Variants in TRPC4 observed in about 807,000 individuals in gnomAD.
TRPC4 encodes the protein transient receptor potential cation channel subfamily C member 4.
In TRPC4, 49 loss-of-function variants were observed where a neutral mutation model predicts 99.4. The observed-to-expected ratio is 0.49, with a 90% CI of 0.39 to 0.63. TRPC4 has a LOEUF of 0.63. Ranked by LOEUF, TRPC4 falls within the 20% of genes least tolerant of loss-of-function variation. The pLI is 0.00. For synonymous variants in TRPC4, 454 were observed against 425.9 expected (o/e 1.07, Z -0.81); for missense variants, 898 against 1,152.9 (o/e 0.78, Z 3.20).
intron 1 of TRPC4, among the ~76,000 whole-genome samples, chr13:37,853,744 G>A (rs1387708670): frequency 2.0e-5 from 3 of 151,830 alleles, no homozygotes; most frequent in African/African-American, 7.3e-5. Context: ...TAACTGAAAA[G>A]AATCAAGCAG....
intron 3 of TRPC4, among the ~76,000 whole-genome samples, chr13:37,702,633 T>G (rs979088795): frequency 6.6e-6 from 1 of 152,168 alleles, no homozygotes; most frequent in African/African-American, 2.4e-5. Context: ...TATCATATTT[T>G]AAAATTTTCT....
At chr13:37,796,760 A>G (rs1028175097) in intron 1 of TRPC4, among the ~76,000 whole-genome samples, 2 of 151,702 alleles carry the variant, frequency 1.3e-5, no homozygotes, top group African/African-American at 4.8e-5. Context: ...TCATTAAGGA[A>G]TATTTCCAGG....
chr13:37,858,083 A>C (rs972387082), intron 1 of TRPC4, among the ~76,000 whole-genome samples: 4 of 151,786 alleles, frequency 2.6e-5, no homozygotes, highest in Non-Finnish European at 5.9e-5. Context: ...AAATCTAATA[A>C]TCTGATCAAA....
chr13:37,794,913 T>C (rs1323846514), intron 1 of TRPC4, among the ~76,000 whole-genome samples: 1 of 152,134 alleles, frequency 6.6e-6, no homozygotes, highest in Non-Finnish European at 1.5e-5. Flanking sequence ...GAGACATAGT[T>C]TCAAATGTAT....
At chr13:37,741,871 C>A (rs746763227) in intron 3 of TRPC4, among the ~76,000 whole-genome samples, 2 of 151,478 alleles carry the variant, frequency 1.3e-5, no homozygotes, top group African/African-American at 2.4e-5. Context: ...TGCAATCTGG[C>A]CCCAATATTT....
chr13:37,753,763 A>T (rs549815704), intron 2 of TRPC4, among the ~76,000 whole-genome samples: 10 of 152,288 alleles, frequency 6.6e-5, no homozygotes, highest in Non-Finnish European at 1.2e-4. Context: ...AAAGGTGAAC[A>T]CAAGTGCATT....
intron 1 of TRPC4, among the ~76,000 whole-genome samples, chr13:37,836,411 A>G (rs986377777): frequency 4.6e-5 from 7 of 152,168 alleles, no homozygotes; most frequent in Non-Finnish European, 8.8e-5. Flanking sequence ...AACTCCCTAG[A>G]GGCTCGTTGA....
At position 37,849,019 on chromosome 13, in the gene TRPC4, C is replaced by T. The variant is rs116867340; in HGVS notation, c.-28+20576G>A. Reference sequence around the variant, plus strand: ...TAAGCAGGCTTGATTATCTTTTTCTCCAGATGTGACAAGAGACTTGCTGAG... The same window carrying T: ...TAAGCAGGCTTGATTATCTTTTTCTTCAGATGTGACAAGAGACTTGCTGAG... On this transcript the variant is annotated intron_variant, in intron 1 of 10. Coordinates refer to ENST00000379705, the MANE Select transcript of TRPC4 (RefSeq NM_016179.4). 1.4e-4 allele frequency among the ~76,000 whole-genome samples: 22 copies of T among 152,184 alleles called. No homozygotes were observed. In the East Asian group the frequency reaches 3.7e-3, roughly 25 times the overall value.
At chr13:37,853,264 A>C (rs1959103345) in intron 1 of TRPC4, among the ~76,000 whole-genome samples, 1 of 151,806 alleles carries the variant, frequency 6.6e-6, no homozygotes, top group African/African-American at 2.4e-5. Context: ...AAAGAAAGAG[A>C]CTCTTATTTG....
At chr13:37,782,292 A>G (rs1351459958) in intron 2 of TRPC4, among the ~76,000 whole-genome samples, 1 of 152,128 alleles carries the variant, frequency 6.6e-6, no homozygotes, top group Non-Finnish European at 1.5e-5. Flanking sequence ...CATTGTATTT[A>G]TAATTGTGTG....
chr13:37,830,855 G>A (rs1228782648), intron 1 of TRPC4, among the ~76,000 whole-genome samples: 2 of 148,978 alleles, frequency 1.3e-5, no homozygotes, highest in Admixed American at 1.3e-4. Context: ...GGGGAGAAAA[G>A]TAAGCGTAAT....
At chr13:37,838,091 G>A (rs566558750) in intron 1 of TRPC4, among the ~76,000 whole-genome samples, 6 of 152,138 alleles carry the variant, frequency 3.9e-5, no homozygotes, top group African/African-American at 9.7e-5. Flanking sequence ...ACATGGAACC[G>A]TAAGTCCATT....
chr13:37,782,641 G>A (rs1206011851), intron 2 of TRPC4, among the ~76,000 whole-genome samples: 1 of 151,958 alleles, frequency 6.6e-6, no homozygotes, highest in East Asian at 1.9e-4. Flanking sequence ...ATAAAGTTAC[G>A]AGCAACCTAT....
rs952159226 is a variant in TRPC4, at chr13:37,827,511, G to C, written c.-28+42084C>G. On this transcript the variant is annotated intron_variant, in intron 1 of 10. Transcript: ENST00000379705. Reference sequence around the variant, plus strand: ...TAACAGACAGGACCCTCAGCTGCAGGTCTGTTGGAGTACCCTGCGGTGTGA... The same window carrying C: ...TAACAGACAGGACCCTCAGCTGCAGCTCTGTTGGAGTACCCTGCGGTGTGA... 6.7e-5 allele frequency among the ~76,000 whole-genome samples: 10 copies of C among 149,834 alleles called. 1 individual carries two copies. The highest frequency in any genetic ancestry group is 6.0e-4 in the Admixed American group (9 of 14,878).
chr13:37,760,851 A>G lies in TRPC4; in HGVS notation c.379-14396T>C, dbSNP rs141343795. On this transcript the variant is annotated intron_variant, in intron 2 of 10. Coordinates refer to ENST00000379705, the MANE Select transcript of TRPC4 (RefSeq NM_016179.4). Reference sequence around the variant, plus strand: ...TTTAGTTAGTGATGCATCCAGTATAAATAATGATAACTTAATATCAATAAC... The same window carrying G: ...TTTAGTTAGTGATGCATCCAGTATAGATAATGATAACTTAATATCAATAAC... 7.2e-3 allele frequency among the ~76,000 whole-genome samples: 1,096 copies of G among 152,122 alleles called. 6 individuals are homozygous for G. Among genetic ancestry groups the G allele is most frequent in the Middle Eastern group, 0.031 (9 of 294 alleles).
At chr13:37,830,798 T>A (rs1247846366) in intron 1 of TRPC4, among the ~76,000 whole-genome samples, 8 of 96,712 alleles carry the variant, frequency 8.3e-5, no homozygotes, top group Non-Finnish European at 1.6e-4. Context: ...TAGTATATAT[T>A]TTTTGTATAT....
At chr13:37,821,542 A>G (rs1229684735) in intron 1 of TRPC4, among the ~76,000 whole-genome samples, 1 of 152,172 alleles carries the variant, frequency 6.6e-6, no homozygotes, top group African/African-American at 2.4e-5. Flanking sequence ...TGAAGGCATC[A>G]CATTGCTTGA....
rs1239527349 is a variant in TRPC4 at position 37,634,303 on chromosome 13, T to C, written c.*2600A>G. On this transcript the variant is annotated 3_prime_UTR_variant, in exon 11 of 11. Coordinates refer to ENST00000379705, the MANE Select transcript of TRPC4 (RefSeq NM_016179.4). ...TTTCTTATTTTATCCCTACTCCTCA[T>C]CTTCATTAATGCTACATAATGTCAC... 6.6e-6 allele frequency among the ~76,000 whole-genome samples: 1 copy of C among 152,072 alleles called. No homozygotes were observed. Among genetic ancestry groups the C allele is most frequent in the Admixed American group, 6.6e-5 (1 of 15,238 alleles).
At chr13:37,723,522 T>C (rs1480342352) in intron 3 of TRPC4, among the ~76,000 whole-genome samples, 1 of 152,128 alleles carries the variant, frequency 6.6e-6, no homozygotes, top group Non-Finnish European at 1.5e-5. Context: ...ATACTATTGA[T>C]ACCCACTGTT....
Sources: gnomAD v4.1 joint callset for allele counts (sites outside exome capture counted in the v4.1 genomes callset) on GRCh38, gnomAD v4.1.1 for gene constraint, MANE v1.5 for transcripts, NCBI Gene and HGNC (gene_info 2026-07-23, HGNC 2026-07-21) for gene names.